Variants in KCNJ12 observed in about 807,000 individuals in gnomAD.
KCNJ12 encodes the protein potassium inwardly rectifying channel subfamily J member 12.
KCNJ12 carries 2 observed loss-of-function variants against 22.3 expected under a neutral mutation model. The ratio of observed to expected loss-of-function variants is 0.09; its 90% confidence interval spans 0.04 to 0.28. The LOEUF (loss-of-function observed/expected upper bound fraction) is 0.28, where lower values mean the gene tolerates loss of function less well. Among genes scored for constraint, KCNJ12 ranks in the 10% least tolerant of loss-of-function variants. KCNJ12 has a pLI of 1.00. For missense variants in KCNJ12, 155 were observed against 633.3 expected (o/e 0.24, Z 8.11); for synonymous variants, 117 against 261.4 (o/e 0.45, Z 5.33).
At chr17:21,402,751 G>A (rs1905699261) in intron 1 of KCNJ12, among the ~76,000 whole-genome samples, 1 of 152,312 alleles carries the variant, frequency 6.6e-6, no homozygotes, top group Admixed American at 6.5e-5. Context: ...GGTTATGGGG[G>A]GCTGAGGCCC....
intron 1 of KCNJ12, among the ~76,000 whole-genome samples, chr17:21,379,405 C>A (rs1904786416): frequency 6.6e-6 from 1 of 152,220 alleles, no homozygotes; most frequent in South Asian, 2.1e-4. Flanking sequence ...ACCCTCACCC[C>A]CCCTGCTCCC....
rs147930305 is a variant in KCNJ12 at position 21,383,003 on chromosome 17, G to A, written c.-179+6090G>A. 4.7e-3 allele frequency among the ~76,000 whole-genome samples: 719 copies of A among 152,332 alleles called. 8 individuals carry two copies. The highest frequency in any genetic ancestry group is 6.9e-3 in the Admixed American group (105 of 15,306). On this transcript the variant is annotated intron_variant, in intron 1 of 2. Coordinates refer to ENST00000583088, the MANE Select transcript of KCNJ12 (RefSeq NM_021012.5). ...ACACAGTTCCCGGAGGAAGGCTGGG[G>A]CGCAGCCTTGAGGCCACAGACCCTC... is the stretch of plus-strand genomic sequence containing the variant.
At chr17:21,399,532 C>T (rs1905500822) in intron 1 of KCNJ12, among the ~76,000 whole-genome samples, 1 of 152,168 alleles carries the variant, frequency 6.6e-6, no homozygotes, top group Non-Finnish European at 1.5e-5. Context: ...AGGGGCCAAA[C>T]AGGGGCCAGA....
intron 2 of KCNJ12, among the ~76,000 whole-genome samples, chr17:21,411,521 C>T (rs1462711241): frequency 1.3e-5 from 2 of 152,312 alleles, no homozygotes; most frequent in African/African-American, 4.8e-5. Context: ...TCCCGGCGAC[C>T]CTGGGACCCT....
chr17:21,387,914 G>GC (rs1479275798), intron 1 of KCNJ12, among the ~76,000 whole-genome samples: 1 of 152,126 alleles, frequency 6.6e-6, no homozygotes, highest in Non-Finnish European at 1.5e-5. Context: ...TCACTGCTGT[G>GC]CCCCCCGAGG....
At chr17:21,383,710 T>C (rs1384746787) in intron 1 of KCNJ12, among the ~76,000 whole-genome samples, 1 of 152,088 alleles carries the variant, frequency 6.6e-6, no homozygotes, top group Non-Finnish European at 1.5e-5. Context: ...CAGAGAATCC[T>C]AGAGGTCCTA....
At chr17:21,399,832 C>G (rs1413058232) in intron 1 of KCNJ12, among the ~76,000 whole-genome samples, 21 of 152,200 alleles carry the variant, frequency 1.4e-4, no homozygotes, top group Non-Finnish European at 2.8e-4. Flanking sequence ...AGGCACAGCA[C>G]TCATCCTATC....
At chr17:21,403,096 A>C (rs7217131) in intron 1 of KCNJ12, among the ~76,000 whole-genome samples, 23,532 of 133,388 alleles carry the variant, frequency 0.18, no homozygotes, top group African/African-American at 0.24. Context: ...ACTTGGGGAA[A>C]TCATGGAAGA....
rs1906947426 is a variant in KCNJ12 at position 21,418,069 on chromosome 17, G to A, written c.*1425G>A. ...CTCCTCCACCACCCTCCCCCAGGTT[G>A]AGGCACTATGGCACCCTCATCAGGA... On this transcript the variant is annotated 3_prime_UTR_variant, in exon 3 of 3. Transcript: ENST00000583088. 6.0e-6 allele frequency: 1 copy of A among 167,136 alleles called. No homozygotes were observed. The highest frequency in any genetic ancestry group is 1.5e-5 in the Non-Finnish European group (1 of 68,236). 10.4% of individuals were successfully genotyped at this position (167,136 alleles called of 1,614,324 possible). A position where few individuals can be genotyped will look rare whatever the true frequency, so the allele number is the denominator to read the frequency against.
intron 1 of KCNJ12, among the ~76,000 whole-genome samples, chr17:21,396,837 G>T (rs1479647716): frequency 6.6e-6 from 1 of 152,234 alleles, no homozygotes; most frequent in Non-Finnish European, 1.5e-5. Flanking sequence ...TCAGGTAGCC[G>T]TGGGGACGGA....
chr17:21,407,063 C>A (rs1253652638), intron 1 of KCNJ12, among the ~76,000 whole-genome samples: 1 of 152,282 alleles, frequency 6.6e-6, no homozygotes, highest in Non-Finnish European at 1.5e-5. Context: ...GTGTGCCCAT[C>A]CACGTAGTTA....
In KCNJ12 at chr17:21,378,334, C is replaced by G. The variant is rs193021566; in HGVS notation, c.-179+1421C>G. Among the ~76,000 whole-genome samples, 6 of 152,312 alleles carry G rather than the reference C, an allele frequency of 3.9e-5. No individual in the cohort carries two copies. The East Asian group carries it at 9.7e-4, about 25-fold the overall frequency. ...GCTTTCGCTCTTTTTGAGGGGTACTCCCTTCTGTATTCTGAGAAGAGCCCC... is the reference window on the plus strand; with the variant it reads ...GCTTTCGCTCTTTTTGAGGGGTACTGCCTTCTGTATTCTGAGAAGAGCCCC... On this transcript the variant is annotated intron_variant, in intron 1 of 2. Coordinates refer to ENST00000583088, the MANE Select transcript of KCNJ12 (RefSeq NM_021012.5).
At chr17:21,396,767 C>T (rs1342163073) in intron 1 of KCNJ12, among the ~76,000 whole-genome samples, 1 of 152,236 alleles carries the variant, frequency 6.6e-6, no homozygotes, top group East Asian at 1.9e-4. Context: ...GCTGGGCCTC[C>T]ACCCAGCATC....
At position 21,379,509 on chromosome 17, in the gene KCNJ12, G is replaced by C. The variant is rs74394762; in HGVS notation, c.-179+2596G>C. Among the ~76,000 whole-genome samples, 270 of 152,242 alleles carry C rather than the reference G, an allele frequency of 1.8e-3. 9 individuals carry two copies. In the East Asian group the frequency reaches 0.039, roughly 22 times the overall value. ...GGGCTTTACTGTGAGCGACACATGG[G>C]TACACCTGCCCCTCCCCGGGCCTGC... is the stretch of plus-strand genomic sequence containing the variant. On this transcript the variant is annotated intron_variant, in intron 1 of 2. Transcript: ENST00000583088.
intron 1 of KCNJ12, among the ~76,000 whole-genome samples, chr17:21,383,654 C>A (rs1428967694): frequency 1.3e-5 from 2 of 152,156 alleles, no homozygotes; most frequent in Non-Finnish European, 2.9e-5. Context: ...CACCCCCAGC[C>A]TGTCCCCTGG....
intron 2 of KCNJ12, among the ~76,000 whole-genome samples, chr17:21,410,200 C>G (rs1475336436): frequency 6.6e-6 from 1 of 152,224 alleles, no homozygotes; most frequent in African/African-American, 2.4e-5. Flanking sequence ...GTCCTATACC[C>G]TGGGCAGGGC....
chr17:21,382,129 A>G (rs550946118), intron 1 of KCNJ12, among the ~76,000 whole-genome samples: 14 of 152,252 alleles, frequency 9.2e-5, no homozygotes, highest in African/African-American at 2.9e-4. Context: ...GGCTTCCTTC[A>G]GGCCCCTACT....
At chr17:21,400,517 C>T (rs1597568563) in intron 1 of KCNJ12, among the ~76,000 whole-genome samples, 2 of 152,306 alleles carry the variant, frequency 1.3e-5, no homozygotes, top group African/African-American at 4.8e-5. Flanking sequence ...CATGCTACAC[C>T]CCGCACAGAG....
chr17:21,395,309 A>C (rs1288800154), intron 1 of KCNJ12, among the ~76,000 whole-genome samples: 3 of 150,908 alleles, frequency 2.0e-5, no homozygotes, highest in East Asian at 1.9e-4. Context: ...AAAAAAAAAA[A>C]AAAAACGGCG....
Sources: gnomAD v4.1 joint callset for allele counts (sites outside exome capture counted in the v4.1 genomes callset) on GRCh38, gnomAD v4.1.1 for gene constraint, MANE v1.5 for transcripts, NCBI Gene and HGNC (gene_info 2026-07-23, HGNC 2026-07-21) for gene names.